The following JAK1 variants were observed in gnomAD, a reference collection of about 807,000 sequenced individuals.
JAK1 encodes the protein Janus kinase 1.
In JAK1, 16 loss-of-function variants were observed where a neutral mutation model predicts 136.6. The ratio of observed to expected loss-of-function variants is 0.12; its 90% CI spans 0.08 to 0.18. The LOEUF (loss-of-function observed/expected upper bound fraction) is 0.18. JAK1 is among the 10% of genes least tolerant of loss of function. The pLI, the probability that JAK1 is intolerant of heterozygous loss-of-function variation, is 1.00. For synonymous variants in JAK1, 492 were observed against 519.5 expected (o/e 0.95, Z 0.72); for missense variants, 859 against 1,450.1 (o/e 0.59, Z 6.62).
intron 4 of JAK1, among the ~76,000 whole-genome samples, chr1:64,875,206 G>A (rs1657326444): frequency 6.6e-6 from 1 of 152,214 alleles, no homozygotes; most frequent in South Asian, 2.1e-4. Flanking sequence ...ATTGCCAGGG[G>A]AGGTGGCAGG....
At position 65,052,224 on chromosome 1, in the gene JAK1, C is replaced by T. The variant is rs1647310688; in HGVS notation, c.-180-7642G>A. Among the ~76,000 whole-genome samples the T allele has an allele frequency of 2.0e-5, 3 of 151,008 alleles. No individual in the cohort carries two copies. The Admixed American group carries it at 2.0e-4, about 10-fold the overall frequency. On this transcript the variant is annotated intron_variant, in intron 1 of 25. Transcript: ENST00000671954. ...GTACTGGGATCACAGATGTGAGCCA[C>T]CACACCCAGCTCAGGCACACATTCT...
intron 22 of JAK1, 31 bp downstream of exon 22, chr1:64,837,901 T>C (rs769824067): frequency 1.3e-5 from 20 of 1,587,052 alleles, no homozygotes; most frequent in East Asian, 2.2e-5. Flanking sequence ...CTATGAAGCA[T>C]TGATAAAACC....
intron 1 of JAK1, among the ~76,000 whole-genome samples, chr1:64,903,524 G>T (rs1645143902): frequency 6.6e-6 from 1 of 152,194 alleles, no homozygotes; most frequent in African/African-American, 2.4e-5. Context: ...ACTAGTATTG[G>T]TGAGAGGACA....
chr1:64,968,724 G>C (rs547677317), upstream of JAK1, among the ~76,000 whole-genome samples: 1 of 152,174 alleles, frequency 6.6e-6, no homozygotes, highest in East Asian at 1.9e-4. Context: ...TTGAGGTCAG[G>C]AGTTTGAGAC....
At chr1:64,873,922 T>C (rs1273532772) in intron 4 of JAK1, among the ~76,000 whole-genome samples, 1 of 152,202 alleles carries the variant, frequency 6.6e-6, no homozygotes, top group East Asian at 1.9e-4. Context: ...CATTTTAACA[T>C]TCCTGCAACT....
intron 23 of JAK1, 35 bp from the exon 24 acceptor site, chr1:64,835,541 T>C: frequency 8.0e-7 from 1 of 1,254,278 alleles, no homozygotes; most frequent in Non-Finnish European, 1.1e-6. Context: ...ACGTTTAACT[T>C]TGCAAGTATT....
intron 2 of JAK1, among the ~76,000 whole-genome samples, chr1:64,975,671 T>C (rs1053278240): frequency 2.6e-5 from 4 of 152,212 alleles, no homozygotes; most frequent in African/African-American, 9.6e-5. Flanking sequence ...TGTGGTGACG[T>C]GACCCAAATC....
intron 14 of JAK1, among the ~76,000 whole-genome samples, chr1:64,846,064 CG>C (rs1222986679): frequency 2.6e-5 from 4 of 152,142 alleles, no homozygotes; most frequent in Non-Finnish European, 5.9e-5. Context: ...TGTGAGTACA[CG>C]GAACAGCTCA....
chr1:64,898,316 G>T (rs1645055679), intron 1 of JAK1, among the ~76,000 whole-genome samples: 1 of 152,178 alleles, frequency 6.6e-6, no homozygotes, highest in Non-Finnish European at 1.5e-5. Flanking sequence ...GAGTCACTCT[G>T]AATTATTTTT....
chr1:64,869,609 A>C (rs1656948057), intron 5 of JAK1, 135 bp from the exon 6 acceptor site: 2 of 679,384 alleles, frequency 2.9e-6, no homozygotes, highest in African/African-American at 1.8e-5. Flanking sequence ...CTCTAGCATC[A>C]GAGCTCTTTT....
chr1:64,934,186 T>C (rs1274126686), intron 1 of JAK1, among the ~76,000 whole-genome samples: 2 of 152,196 alleles, frequency 1.3e-5, no homozygotes, highest in African/African-American at 4.8e-5. Flanking sequence ...TTGGGATCAG[T>C]GGAAAAGAGT....
At chr1:65,054,253 G>A (rs1432339773) in intron 1 of JAK1, among the ~76,000 whole-genome samples, 1 of 152,124 alleles carries the variant, frequency 6.6e-6, no homozygotes, top group Non-Finnish European at 1.5e-5. Flanking sequence ...ACAGCAAGCT[G>A]TAGAATGCTC....
intron 10 of JAK1, among the ~76,000 whole-genome samples, 153 bp downstream of exon 10, chr1:64,857,503 G>T (rs1656014839): frequency 6.6e-6 from 1 of 152,142 alleles, no homozygotes; most frequent in Non-Finnish European, 1.5e-5. Flanking sequence ...GAGAGCAGGG[G>T]CCCTTGCCTG....
intron 1 of JAK1, among the ~76,000 whole-genome samples, chr1:64,961,790 G>C (rs12087016): frequency 0.013 from 1,917 of 152,240 alleles, 39 homozygotes; most frequent in African/African-American, 0.044. Flanking sequence ...AGGGCTCCAC[G>C]CAGGAATTAG....
chr1:65,061,691 A>G (rs1647798245), intron 1 of JAK1, among the ~76,000 whole-genome samples: 1 of 152,220 alleles, frequency 6.6e-6, no homozygotes, highest in African/African-American at 2.4e-5. Context: ...CTGAGATGTT[A>G]TAAACTGTCA....
chr1:64,963,404 T>C (rs1484692944), intron 1 of JAK1, among the ~76,000 whole-genome samples: 1 of 152,126 alleles, frequency 6.6e-6, no homozygotes, highest in Non-Finnish European at 1.5e-5. Flanking sequence ...TAACCTTTGC[T>C]TAAAGAAATT....
chr1:65,061,075 A>C (rs928714919), intron 1 of JAK1, among the ~76,000 whole-genome samples: 9 of 152,238 alleles, frequency 5.9e-5, no homozygotes, highest in African/African-American at 2.2e-4. Flanking sequence ...TATTATCTAC[A>C]AAACCAGGCA....
chr1:64,955,503 T>C (rs1646170540), intron 1 of JAK1, among the ~76,000 whole-genome samples: 1 of 152,146 alleles, frequency 6.6e-6, no homozygotes, highest in Non-Finnish European at 1.5e-5. Context: ...TAATGAATAA[T>C]CTATTTTGGG....
At chr1:64,889,346 AG>A (rs1226355278) in intron 1 of JAK1, among the ~76,000 whole-genome samples, 1 of 152,204 alleles carries the variant, frequency 6.6e-6, no homozygotes, top group African/African-American at 2.4e-5. Flanking sequence ...CTTAGAAAAC[AG>A]GAAGGACCAG....
Sources: gnomAD v4.1 joint callset for allele counts (sites outside exome capture counted in the v4.1 genomes callset) on GRCh38, gnomAD v4.1.1 for gene constraint, MANE v1.5 for transcripts, NCBI Gene and HGNC (gene_info 2026-07-23, HGNC 2026-07-21) for gene names.